Variants in RASSF2 observed in about 807,000 individuals in gnomAD.
RASSF2 encodes the protein Ras association domain family member 2.
A neutral mutation model predicts 46.3 loss-of-function variants in RASSF2; 34 were observed. The observed-to-expected ratio is 0.73, with a 90% CI of 0.56 to 0.98. The LOEUF is 0.98. Among genes scored for constraint, RASSF2 ranks in the 50% least tolerant of loss-of-function variants. RASSF2 has a pLI of 0.00. For missense variants in RASSF2, 364 were observed against 431.2 expected (o/e 0.84, Z 1.38); for synonymous variants, 158 against 162.5 (o/e 0.97, Z 0.21).
chr20:4,799,128 G>A (rs1547618), intron 3 of RASSF2, among the ~76,000 whole-genome samples: 46,255 of 151,914 alleles, frequency 0.3, 7,194 homozygotes, highest in East Asian at 0.42. Flanking sequence ...GTGGGCATGA[G>A]GTGGCTTCTG....
At chr20:4,808,486 C>CT (rs11431404) in intron 2 of RASSF2, among the ~76,000 whole-genome samples, 39,429 of 131,488 alleles carry the variant, frequency 0.3, 6,461 homozygotes, top group East Asian at 0.6. Context: ...TTACACAAAT[C>CT]TTTTTTTTTT....
chr20:4,792,068 T>G (rs1008163041), intron 6 of RASSF2, among the ~76,000 whole-genome samples: 5 of 151,778 alleles, frequency 3.3e-5, no homozygotes, highest in African/African-American at 1.2e-4. Context: ...CTGGCCAACA[T>G]GGCAAAAACC....
At chr20:4,804,944 C>G (rs1455417164) in intron 2 of RASSF2, among the ~76,000 whole-genome samples, 1 of 151,934 alleles carries the variant, frequency 6.6e-6, no homozygotes, top group African/African-American at 2.4e-5. Flanking sequence ...AGGAAGAGAC[C>G]TCTAAACTGA....
intron 2 of RASSF2, among the ~76,000 whole-genome samples, chr20:4,804,901 C>A (rs372460713): frequency 8.5e-5 from 13 of 152,054 alleles, no homozygotes; most frequent in African/African-American, 3.1e-4. Flanking sequence ...AGGACACCTA[C>A]GGATGAGGGT....
chr20:4,807,765 T>C (rs769142760), intron 2 of RASSF2, among the ~76,000 whole-genome samples: 2 of 152,242 alleles, frequency 1.3e-5, no homozygotes, highest in Admixed American at 1.3e-4. Flanking sequence ...TTTCTTACTT[T>C]GACATTTCTT....
intron 2 of RASSF2, among the ~76,000 whole-genome samples, chr20:4,817,281 A>AC (rs2122690024): frequency 6.6e-6 from 1 of 152,242 alleles, no homozygotes; most frequent in Admixed American, 6.5e-5. Flanking sequence ...GCTGCGAGGG[A>AC]CATCCCCATA....
In RASSF2 at chr20:4,789,655, G is replaced by A. The variant is rs778962328; in HGVS notation, c.580C>T (p.Arg194Cys). The change falls in exon 8 of 12, where the codon CGC (arginine) becomes TGC (cysteine). Residue 194 changes from arginine to cysteine, a missense_variant. Transcript: ENST00000379400. ...GGGGTGGTCATGGTGCTGTTGATGCGGACGTTGGTGACAGAGCCATAGGCT... is the reference window on the plus strand; with the variant it reads ...GGGGTGGTCATGGTGCTGTTGATGCAGACGTTGGTGACAGAGCCATAGGCT... ...TPAYGSVTNV[R>C]INSTMTTPQV... 43 of 1,614,098 alleles carry A rather than the reference G, an allele frequency of 2.7e-5. No individual in the cohort carries two copies. The highest frequency in any genetic ancestry group is 5.3e-5 in the African/African-American group (4 of 74,990).
chr20:4,798,706 T>C lies in RASSF2; in HGVS notation c.60-621A>G, dbSNP rs376735443. The stretch of plus-strand genomic sequence containing the variant: ...CCAGGCGTGGTGGTGCACACCTGTA[T>C]TCCCAGCTACTCAGGAGGCTGAGGC... On this transcript the variant is annotated intron_variant, in intron 3 of 11. Transcript: ENST00000379400. Among the ~76,000 whole-genome samples, 8 of 145,372 alleles carry C rather than the reference T, an allele frequency of 5.5e-5. No homozygotes were observed. The South Asian group carries it at 1.7e-3, about 31-fold the overall frequency.
Position 4,783,952 on chromosome 20 carries a change from G to C in RASSF2, c.*321C>G, listed in dbSNP as rs191221284. 1.6e-4 allele frequency: 43 copies of C among 263,770 alleles called. No homozygotes were observed. Among genetic ancestry groups the C allele is most frequent in the African/African-American group, 8.8e-4 (41 of 46,620 alleles). 16.3% of individuals were successfully genotyped at this position (263,770 alleles called of 1,614,324 possible). A position where few individuals can be genotyped will look rare whatever the true frequency, so the allele number is the denominator to read the frequency against. On this transcript the variant is annotated 3_prime_UTR_variant, in exon 12 of 12. Coordinates refer to ENST00000379400, the MANE Select transcript of RASSF2 (RefSeq NM_014737.3). The stretch of plus-strand genomic sequence containing the variant: ...TCACGGCTCTTGTGCTGGTTGCCTG[G>C]AATTTAATTACATGTGAAAGTATCA...
rs759893100 is a variant in RASSF2, at chr20:4,787,685, A to G, written c.761T>C (p.Ile254Thr). 6.2e-7 allele frequency: 1 copy of G among 1,614,122 alleles called. No homozygotes were observed. Among genetic ancestry groups the G allele is most frequent in the South Asian group, 1.1e-5 (1 of 91,080 alleles). The change falls in exon 10 of 12, where the codon ATC (isoleucine) becomes ACC (threonine). Residue 254 changes from isoleucine to threonine, a missense_variant. Physicochemically the swap from Ile to Thr is moderately conservative, Grantham distance 89. Coordinates refer to ENST00000379400, the MANE Select transcript of RASSF2 (RefSeq NM_014737.3). ...CTTCTCCATTAGGAACACTTTGGAGATCTGCTCACATGGGCCCTGGAGGAT... is the reference window on the plus strand; with the variant it reads ...CTTCTCCATTAGGAACACTTTGGAGGTCTGCTCACATGGGCCCTGGAGGAT... ...ARILQGPCEQ[I>T]SKVFLMEKDQ...
chr20:4,797,100 A>T (rs1185158995), intron 4 of RASSF2, among the ~76,000 whole-genome samples: 1 of 152,236 alleles, frequency 6.6e-6, no homozygotes, highest in Admixed American at 6.5e-5. Flanking sequence ...TAGGCGTCTC[A>T]GGGAGGAAGG....
chr20:4,800,352 G>C lies in RASSF2; in HGVS notation c.59+620C>G, dbSNP rs556098131. On this transcript the variant is annotated intron_variant, in intron 3 of 11. Coordinates refer to ENST00000379400, the MANE Select transcript of RASSF2 (RefSeq NM_014737.3). Reference sequence around the variant, plus strand: ...ACGGACAGGACGGGGAGCAGTGTCTGAGTCCATTCTGGCTGCCGGACCATA... The same window carrying C: ...ACGGACAGGACGGGGAGCAGTGTCTCAGTCCATTCTGGCTGCCGGACCATA... Among the ~76,000 whole-genome samples, 368 of 152,256 alleles carry C rather than the reference G, an allele frequency of 2.4e-3. 2 individuals are homozygous for C. Among genetic ancestry groups the C allele is most frequent in the Non-Finnish European group, 2.8e-3 (189 of 68,020 alleles).
At chr20:4,794,001 T>C (rs1926123178) in intron 5 of RASSF2, among the ~76,000 whole-genome samples, 2 of 152,106 alleles carry the variant, frequency 1.3e-5, no homozygotes. Flanking sequence ...AAAAATCATC[T>C]CACTTAGGGA....
In RASSF2 at chr20:4,800,905, G is replaced by A. The variant is rs968671727; in HGVS notation, c.59+67C>T. The A allele has an allele frequency of 3.6e-5, 49 of 1,380,120 alleles. No individual in the cohort carries two copies. In the East Asian group the frequency reaches 5.5e-4, roughly 15 times the overall value. 85.5% of individuals were successfully genotyped at this position (1,380,120 alleles called of 1,614,324 possible). A position where few individuals can be genotyped will look rare whatever the true frequency, so the allele number is the denominator to read the frequency against. On this transcript the variant is annotated intron_variant, in intron 3 of 11. Coordinates refer to ENST00000379400, the MANE Select transcript of RASSF2 (RefSeq NM_014737.3). ...GGGGGGCCCTCTGCCAGCGGCTGCC[G>A]TCCACCCACAACATCCCAGCACGGG...
In RASSF2 at chr20:4,790,589, C is replaced by G; in HGVS notation, c.399G>C (p.Leu133=). ...GCATCAGCTGTGGGGTGTCCTCCTG[C>G]AGGGGCTTCAGGCCCCTGGAGTCTG... ...SSTDSRGLKP[L]QEDTPQLMRT... is the part of the protein sequence containing the mutation. The change falls in exon 7 of 12, where the codon CTG becomes CTC. Residue 133 remains leucine, a synonymous_variant. Coordinates refer to ENST00000379400, the MANE Select transcript of RASSF2 (RefSeq NM_014737.3). The surrounding 1 kb of genome is among the most constrained non-coding windows in gnomAD (Gnocchi z 4.3). 6.5e-7 allele frequency: 1 copy of G among 1,528,032 alleles called. No individual in the cohort carries two copies. 94.7% of individuals were successfully genotyped at this position (1,528,032 alleles called of 1,614,324 possible).
At chr20:4,819,669 A>C (rs771996719) in intron 2 of RASSF2, among the ~76,000 whole-genome samples, 3 of 152,196 alleles carry the variant, frequency 2.0e-5, no homozygotes, top group Non-Finnish European at 4.4e-5. Flanking sequence ...CAAACTCCAA[A>C]TCCAATACTC....
intron 5 of RASSF2, among the ~76,000 whole-genome samples, chr20:4,794,435 G>T (rs1156652637): frequency 6.6e-6 from 1 of 152,102 alleles, no homozygotes; most frequent in Non-Finnish European, 1.5e-5. Flanking sequence ...TGGGTTTGGT[G>T]GTGGGCACCT....
At chr20:4,817,794 C>T (rs1490075371) in intron 2 of RASSF2, among the ~76,000 whole-genome samples, 5 of 152,204 alleles carry the variant, frequency 3.3e-5, no homozygotes, top group Non-Finnish European at 7.4e-5. Flanking sequence ...GTGGGTGGCA[C>T]ACATGTAGTC....
At chr20:4,821,816 T>C (rs1204449324) in intron 2 of RASSF2, among the ~76,000 whole-genome samples, 1 of 112,662 alleles carries the variant, frequency 8.9e-6, no homozygotes, top group Non-Finnish European at 1.8e-5. Context: ...CTTCCACCCC[T>C]GTGAGGCCTG....
Sources: allele counts gnomAD v4.1 joint callset (sites outside exome capture counted in the v4.1 genomes callset), GRCh38; gene constraint gnomAD v4.1.1; non-coding constraint Gnocchi (gnomAD v3.1); transcripts MANE v1.5; gene names NCBI Gene and HGNC (gene_info 2026-07-23, HGNC 2026-07-21).